The following XIRP2 variants were observed in gnomAD, a reference collection of about 807,000 sequenced individuals.
XIRP2 encodes the protein xin actin-binding repeat-containing protein 2.
XIRP2 carries 236 observed loss-of-function variants against 277.0 expected under a neutral mutation model. That is an observed-to-expected ratio of 0.85 (90% CI 0.77 to 0.95). The LOEUF (loss-of-function observed/expected upper bound fraction) is 0.95, where lower values mean the gene tolerates loss of function less well. Among genes scored for constraint, XIRP2 ranks in the 40% least tolerant of loss-of-function variants. The pLI, the probability that XIRP2 is intolerant of heterozygous loss-of-function variation, is 0.00. For synonymous variants in XIRP2, 1,490 were observed against 1,416.5 expected, an observed-to-expected ratio of 1.05 and a Z score of -1.17; for missense variants, 4,640 against 4,157.5, an observed-to-expected ratio of 1.12 and a Z score of -3.19.
intron 2 of XIRP2, among the ~76,000 whole-genome samples, chr2:167,050,708 G>C (rs1310102978): frequency 6.6e-6 from 1 of 151,942 alleles, no homozygotes; most frequent in Non-Finnish European, 1.5e-5. Flanking sequence ...TCAATAGAAC[G>C]AGAAGGGATA....
intron 2 of XIRP2, among the ~76,000 whole-genome samples, chr2:167,050,473 A>C (rs1688888138): frequency 6.6e-6 from 1 of 152,052 alleles, no homozygotes; most frequent in Non-Finnish European, 1.5e-5. Flanking sequence ...GAAAGCCCAG[A>C]GTATGAAAAT....
chr2:167,087,673 G>C (rs1420035591), intron 2 of XIRP2, among the ~76,000 whole-genome samples: 4 of 152,234 alleles, frequency 2.6e-5, no homozygotes, highest in African/African-American at 7.2e-5. Context: ...GGTCGGAAAA[G>C]CGCAGTATTT....
At chr2:167,195,191 T>C (rs1281897834) in intron 3 of XIRP2, among the ~76,000 whole-genome samples, 2 of 152,222 alleles carry the variant, frequency 1.3e-5, no homozygotes, top group African/African-American at 4.8e-5. Flanking sequence ...TACCCCCTTC[T>C]TGTTATAATT....
intron 8 of XIRP2, 129 bp downstream of exon 8, chr2:167,242,039 G>A: frequency 1.7e-6 from 2 of 1,196,974 alleles, no homozygotes; most frequent in Non-Finnish European, 2.2e-6. Context: ...CATTTATTCA[G>A]TTCTGTAAGG....
chr2:167,063,515 A>T (rs1689222607), intron 2 of XIRP2, among the ~76,000 whole-genome samples: 2 of 151,918 alleles, frequency 1.3e-5, no homozygotes, highest in African/African-American at 4.8e-5. Flanking sequence ...TCCCAGCTAC[A>T]ATTGCAGGAT....
intron 2 of XIRP2, among the ~76,000 whole-genome samples, chr2:167,082,679 C>A (rs1558972682): frequency 6.6e-6 from 1 of 152,160 alleles, no homozygotes; most frequent in Non-Finnish European, 1.5e-5. Context: ...TTTTGATTTG[C>A]ATTTCTCTGA....
intron 2 of XIRP2, among the ~76,000 whole-genome samples, chr2:167,041,223 A>C (rs1002995963): frequency 3.3e-5 from 5 of 152,196 alleles, no homozygotes; most frequent in Admixed American, 1.3e-4. Context: ...CACATATATG[A>C]GAAAGAACCA....
intron 2 of XIRP2, among the ~76,000 whole-genome samples, chr2:167,101,240 A>G (rs1353836466): frequency 6.6e-6 from 1 of 152,232 alleles, no homozygotes; most frequent in Admixed American, 6.5e-5. Context: ...TTATTGTTAA[A>G]TAAAAATTAA....
At chr2:166,890,577 GT>G (rs1360980648) in intron 1 of XIRP2, among the ~76,000 whole-genome samples, 1 of 152,044 alleles carries the variant, frequency 6.6e-6, no homozygotes, top group South Asian at 2.1e-4. Context: ...CTAAAAGTTT[GT>G]TTTTATTTTT....
chr2:167,111,655 G>C (rs1690758333), intron 2 of XIRP2, among the ~76,000 whole-genome samples: 1 of 132,548 alleles, frequency 7.5e-6, no homozygotes. Flanking sequence ...TTCTCTGCCA[G>C]CTTTTGGTTA....
At chr2:167,227,898 A>T (rs1694652147) in intron 5 of XIRP2, among the ~76,000 whole-genome samples, 1 of 152,172 alleles carries the variant, frequency 6.6e-6, no homozygotes, top group African/African-American at 2.4e-5. Flanking sequence ...GCAATCTTTC[A>T]TTAAAAATTT....
At chr2:167,045,923 G>T (rs1345574321) in intron 2 of XIRP2, among the ~76,000 whole-genome samples, 1 of 151,858 alleles carries the variant, frequency 6.6e-6, no homozygotes, top group Non-Finnish European at 1.5e-5. Context: ...TTGACTGTGG[G>T]TTTGTCGTAG....
At chr2:167,214,539 A>G (rs1209680533) in intron 4 of XIRP2, among the ~76,000 whole-genome samples, 2 of 151,184 alleles carry the variant, frequency 1.3e-5, no homozygotes, top group Non-Finnish European at 2.9e-5. Context: ...GTCTGTTTCT[A>G]AAGCGCAGGA....
intron 2 of XIRP2, among the ~76,000 whole-genome samples, chr2:167,065,848 C>T (rs1689289158): frequency 6.6e-6 from 1 of 151,754 alleles, no homozygotes; most frequent in Non-Finnish European, 1.5e-5. Flanking sequence ...GAATTTAGGG[C>T]CAACAGGTTT....
chr2:167,082,088 C>A (rs1689753745), intron 2 of XIRP2, among the ~76,000 whole-genome samples: 1 of 125,130 alleles, frequency 8.0e-6, no homozygotes, highest in African/African-American at 2.9e-5. Flanking sequence ...CAATGCTATC[C>A]CTCCCCCCTC....
At chr2:167,173,473 A>G (rs1048233637) in intron 3 of XIRP2, among the ~76,000 whole-genome samples, 2 of 152,190 alleles carry the variant, frequency 1.3e-5, no homozygotes, top group Non-Finnish European at 2.9e-5. Flanking sequence ...ATTAATTTTC[A>G]TGGCTGAATA....
intron 3 of XIRP2, among the ~76,000 whole-genome samples, chr2:167,190,376 C>T (rs981309358): frequency 6.6e-6 from 1 of 152,080 alleles, no homozygotes; most frequent in Non-Finnish European, 1.5e-5. Flanking sequence ...AGCTACTCCC[C>T]ACCCCTACCC....
Position 167,135,938 on chromosome 2 carries a change from GC to G in XIRP2, c.440del (p.Pro147GlnfsTer15), listed in dbSNP as rs1558992579. On this transcript the variant is annotated frameshift_variant, in exon 3 of 11. Coordinates refer to ENST00000409195, the MANE Select transcript of XIRP2 (RefSeq NM_152381.6). LOFTEE classifies it high-confidence loss of function. Reference protein sequence around the residue: ...EVEIERSLCSPAFKSHPGSQL... With the variant: ...EVEIERSLCSXAFKSHPGSQL... The stretch of plus-strand genomic sequence containing the variant: ...TGGAAATTGAGCGAAGTTTGTGCTC[GC>G]CAGCTTTTAAGAGTCACCCTGGGAG... 1 of 1,602,500 alleles carries G rather than the reference GC, an allele frequency of 6.2e-7. No individual in the cohort carries two copies. The highest frequency in any genetic ancestry group is 8.5e-7 in the Non-Finnish European group (1 of 1,174,764).
At chr2:167,087,477 G>A (rs892701466) in intron 2 of XIRP2, among the ~76,000 whole-genome samples, 4 of 152,194 alleles carry the variant, frequency 2.6e-5, no homozygotes, top group African/African-American at 9.7e-5. Flanking sequence ...CACCCAGTTC[G>A]AGCTTCCCGG....
Sources: allele counts gnomAD v4.1 joint callset (sites outside exome capture counted in the v4.1 genomes callset), GRCh38; gene constraint gnomAD v4.1.1; transcripts MANE v1.5; gene names NCBI Gene and HGNC (gene_info 2026-07-23, HGNC 2026-07-21).